The following PGLYRP4 variants were observed in gnomAD, a reference collection of about 807,000 sequenced individuals.
PGLYRP4 encodes the protein peptidoglycan recognition protein 4, also known as PGRP-I-beta.
Under a neutral mutation model 41.2 loss-of-function variants are expected in PGLYRP4, and 39 were observed. That is an observed-to-expected ratio of 0.95 (90% CI 0.73 to 1.24). The LOEUF (loss-of-function observed/expected upper bound fraction) is 1.24, where lower values mean the gene tolerates loss of function less well. PGLYRP4 is among the 50% of genes most tolerant of loss of function. The pLI is 0.00. For missense variants in PGLYRP4, 467 were observed against 460.7 expected (o/e 1.01, Z -0.13); for synonymous variants, 202 against 186.8 (o/e 1.08, Z -0.66).
intron 8 of PGLYRP4, among the ~76,000 whole-genome samples, chr1:153,332,376 T>C (rs1660375220): frequency 1.3e-5 from 2 of 152,084 alleles, no homozygotes; most frequent in Non-Finnish European, 2.9e-5. Context: ...CCCACATTCA[T>C]AAAACAAATA....
At chr1:153,343,004 T>C in intron 5 of PGLYRP4, 86 bp downstream of exon 5, 2 of 763,098 alleles carry the variant, frequency 2.6e-6, no homozygotes, top group Non-Finnish European at 4.6e-6. Flanking sequence ...GACAGCAGAG[T>C]AGCAGATAGC....
rs1660750357 is a variant in PGLYRP4 at position 153,340,502 on chromosome 1, A to C, written c.703T>G (p.Tyr235Asp). ...CCGGCAGTGTGGATAATGATGCCAT[A>C]CTTCGCTGGGAGAGTCATCCTGGGA... ...HCPRMTLPAKYGIIIHTAGRT... is the reference protein window; with the variant it reads ...HCPRMTLPAKDGIIIHTAGRT... The change falls in exon 7 of 9, where the codon TAT becomes GAT. Residue 235 changes from tyrosine (Y) to aspartate (D), a missense_variant. Tyr to Asp is a radical substitution (Grantham distance 160). Transcript: ENST00000359650. 6.2e-7 allele frequency: 1 copy of C among 1,614,034 alleles called. No individual in the cohort carries two copies. The highest frequency in any genetic ancestry group is 8.5e-7 in the Non-Finnish European group (1 of 1,180,022).
chr1:153,340,512 G>C lies in PGLYRP4; in HGVS notation c.693C>G (p.Leu231=), dbSNP rs773344781. ...ARETHCPRMT[L]PAKYGIIIHT... ...GGATAATGATGCCATACTTCGCTGGGAGAGTCATCCTGGGACAGTGGGTCT... is the reference window on the plus strand; with the variant it reads ...GGATAATGATGCCATACTTCGCTGGCAGAGTCATCCTGGGACAGTGGGTCT... Residue 231 remains leucine (L), a synonymous_variant, in exon 7 of 9, where the codon CTC becomes CTG. Coordinates refer to ENST00000359650, the MANE Select transcript of PGLYRP4 (RefSeq NM_020393.4). 3 of 1,614,060 alleles carry C rather than the reference G, an allele frequency of 1.9e-6. No homozygotes were observed. The South Asian group carries it at 3.3e-5, about 18-fold the overall frequency.
At chr1:153,340,673 A>T (rs1660762404) in intron 6 of PGLYRP4, 94 bp from the exon 7 acceptor site, 1 of 1,262,658 alleles carries the variant, frequency 7.9e-7, no homozygotes, top group African/African-American at 1.5e-5. Context: ...AGGACCCTCA[A>T]CTTCCCAAAC....
intron 4 of PGLYRP4, among the ~76,000 whole-genome samples, chr1:153,343,971 G>A (rs1660901681): frequency 1.3e-5 from 2 of 152,128 alleles, no homozygotes; most frequent in Non-Finnish European, 2.9e-5. Context: ...CCCTTCAGGT[G>A]CACTAAGATA....
At position 153,330,927 on chromosome 1, in the gene PGLYRP4, G is replaced by T; in HGVS notation, c.962C>A (p.Ala321Glu). The change falls in exon 9 of 9, where the codon GCA becomes GAA. Residue 321 changes from alanine to glutamate, a missense_variant. Physicochemically the swap from Ala to Glu is moderately radical, Grantham distance 107. Transcript: ENST00000359650. ...GTFTGIPPNA[A>E]ALEAAQDLIQ... is the part of the protein sequence containing the mutation. The stretch of plus-strand genomic sequence containing the variant: ...CAGGTCTTGGGCTGCCTCTAGTGCT[G>T]CAGCATTGGGTGGTATACCTGCAAA... 1 of 1,613,612 alleles carries T rather than the reference G, an allele frequency of 6.2e-7. No individual in the cohort carries two copies. The highest frequency in any genetic ancestry group is 8.5e-7 in the Non-Finnish European group (1 of 1,179,682).
At position 153,345,524 on chromosome 1, in the gene PGLYRP4, A is replaced by G. The variant is rs552917187; in HGVS notation, c.140-142T>C. The stretch of plus-strand genomic sequence containing the variant: ...GTGCACCTGCCCTGCCCACCTCTAC[A>G]TACCCATCTCTCCAACACTCACCCC... On this transcript the variant is annotated intron_variant, in intron 3 of 8. Transcript: ENST00000359650. 4,127 of 677,494 alleles carry G rather than the reference A, an allele frequency of 6.1e-3. 24 individuals are homozygous for G. The highest frequency in any genetic ancestry group is 6.9e-3 in the Non-Finnish European group (2,646 of 383,186). 42.0% of individuals were successfully genotyped at this position (677,494 alleles called of 1,614,324 possible).
In PGLYRP4 at chr1:153,340,616, C is replaced by G. The variant is rs750798897; in HGVS notation, c.626-37G>C. The G allele has an allele frequency of 7.5e-6, 12 of 1,595,250 alleles. No homozygotes were observed. The South Asian group carries it at 1.2e-4, about 16-fold the overall frequency. On this transcript the variant is annotated intron_variant, in intron 6 of 8. Coordinates refer to ENST00000359650, the MANE Select transcript of PGLYRP4 (RefSeq NM_020393.4). ...CGAGAAACCACAGAGGGTTCATCTTCCCCATCTATGCCAGCCACTTCTCCA... is the reference window on the plus strand; with the variant it reads ...CGAGAAACCACAGAGGGTTCATCTTGCCCATCTATGCCAGCCACTTCTCCA...
intron 8 of PGLYRP4, among the ~76,000 whole-genome samples, chr1:153,333,925 C>T (rs181254763): frequency 2.6e-5 from 4 of 152,068 alleles, no homozygotes; most frequent in African/African-American, 7.2e-5. Flanking sequence ...ATAAAAAATC[C>T]GTATATGACA....
intron 8 of PGLYRP4, 88 bp from the exon 9 acceptor site, chr1:153,331,033 G>GAGATTCCA: frequency 9.2e-7 from 1 of 1,083,894 alleles, no homozygotes; most frequent in Middle Eastern, 2.1e-4. Flanking sequence ...TCATCACCAA[G>GAGATTCCA]CTAATAGATT....
intron 8 of PGLYRP4, among the ~76,000 whole-genome samples, chr1:153,335,413 G>A (rs1387170154): frequency 6.6e-6 from 1 of 152,118 alleles, no homozygotes; most frequent in Non-Finnish European, 1.5e-5. Flanking sequence ...AAGAAGACAT[G>A]CTAGCAGCCA....
chr1:153,344,692 G>A (rs1349053669), intron 4 of PGLYRP4, among the ~76,000 whole-genome samples: 3 of 152,214 alleles, frequency 2.0e-5, no homozygotes, highest in African/African-American at 7.2e-5. Context: ...GCCTCACTGA[G>A]GCTGGAGCCC....
intron 8 of PGLYRP4, among the ~76,000 whole-genome samples, chr1:153,334,258 A>G (rs1362749842): frequency 2.5e-5 from 3 of 121,772 alleles, no homozygotes; most frequent in Non-Finnish European, 5.8e-5. Flanking sequence ...ACCAATAACA[A>G]TCAGCTAAGA....
At position 153,341,701 on chromosome 1, in the gene PGLYRP4, G is replaced by A; in HGVS notation, c.551C>T (p.Ser184Phe). The A allele has an allele frequency of 6.2e-7, 1 of 1,613,994 alleles. No homozygotes were observed. Among genetic ancestry groups the A allele is most frequent in the Non-Finnish European group, 8.5e-7 (1 of 1,179,954 alleles). Residue 184 changes from serine to phenylalanine, a missense_variant, in exon 6 of 9, where the codon TCC (serine) becomes TTC (phenylalanine). Physicochemically the swap from Ser to Phe is radical, Grantham distance 155 (BLOSUM62 -2). Coordinates refer to ENST00000359650, the MANE Select transcript of PGLYRP4 (RefSeq NM_020393.4). ...CCCAAGAAGTGGCTGAACATAACTG[G>A]ATGACAGGTGGCCCTTCTGGACAGC... is the stretch of plus-strand genomic sequence containing the variant. ...TYAVQKGHLS[S>F]SYVQPLLGKG...
intron 8 of PGLYRP4, among the ~76,000 whole-genome samples, chr1:153,336,391 AAC>A (rs1482552146): frequency 3.4e-5 from 5 of 145,132 alleles, no homozygotes; most frequent in Middle Eastern, 3.3e-3. Flanking sequence ...AAAAAAAAAA[AAC>A]AAAGAAAGAA....
rs2101578104 is a variant in PGLYRP4 at position 153,345,370 on chromosome 1, T to A, written c.152A>T (p.Asp51Val). The A allele has an allele frequency of 1.9e-6, 3 of 1,614,104 alleles. No individual in the cohort carries two copies. The highest frequency in any genetic ancestry group is 2.5e-6 in the Non-Finnish European group (3 of 1,179,980). ...CTTGCGAGAGACCGTGGTGGAGACA[T>A]CTGTGGGAAGGCCTTGGGGACGTCA... ...SQLTEKGLPT[D>V]VSTTVSRKAW... The change falls in exon 4 of 9, where the codon GAT becomes GTT. Residue 51 changes from aspartate to valine, a missense_variant. Coordinates refer to ENST00000359650, the MANE Select transcript of PGLYRP4 (RefSeq NM_020393.4).
rs1660375116 is a variant in PGLYRP4 at position 153,332,375 on chromosome 1, A to C, written c.944-1430T>G. Among the ~76,000 whole-genome samples the C allele has an allele frequency of 2.0e-5, 3 of 152,182 alleles. No individual in the cohort carries two copies. In the South Asian group the frequency reaches 6.2e-4, roughly 32 times the overall value. ...TCTCATTACCAGAGCACCCACATTC[A>C]TAAAACAAATACTGCTAGACCTAAG... is the stretch of plus-strand genomic sequence containing the variant. On this transcript the variant is annotated intron_variant, in intron 8 of 8. Coordinates refer to ENST00000359650, the MANE Select transcript of PGLYRP4 (RefSeq NM_020393.4).
rs1423727234 is a variant in PGLYRP4 at position 153,340,528 on chromosome 1, C to G, written c.677G>C (p.Cys226Ser). 1.2e-6 allele frequency: 2 copies of G among 1,614,162 alleles called. No individual in the cohort carries two copies. Among genetic ancestry groups the G allele is most frequent in the Non-Finnish European group, 1.7e-6 (2 of 1,180,028 alleles). Residue 226 changes from cysteine (C) to serine (S), a missense_variant, in exon 7 of 9, where the codon TGT becomes TCT. Physicochemically the swap from Cys to Ser is moderately radical, Grantham distance 112 (BLOSUM62 -1). Coordinates refer to ENST00000359650, the MANE Select transcript of PGLYRP4 (RefSeq NM_020393.4). ...RSVWGARETH[C>S]PRMTLPAKYG... is the part of the protein sequence containing the mutation. ...CTTCGCTGGGAGAGTCATCCTGGGA[C>G]AGTGGGTCTCCCTGGCTCCCCACAC... is the stretch of plus-strand genomic sequence containing the variant.
intron 8 of PGLYRP4, among the ~76,000 whole-genome samples, chr1:153,332,628 G>A (rs1416161662): frequency 2.0e-5 from 3 of 152,088 alleles, no homozygotes; most frequent in Non-Finnish European, 4.4e-5. Flanking sequence ...CATATGCTAG[G>A]CCACAAAGCA....
Sources: gnomAD v4.1 joint callset for allele counts (sites outside exome capture counted in the v4.1 genomes callset) on GRCh38, gnomAD v4.1.1 for gene constraint, MANE v1.5 for transcripts, NCBI Gene and HGNC (gene_info 2026-07-23, HGNC 2026-07-21) for gene names.